KCNT2: variants seen among roughly 807,000 people sequenced by gnomAD.
KCNT2 encodes potassium channel subfamily T member 2.
In KCNT2, 67 loss-of-function variants were observed where a neutral mutation model predicts 153.8. The observed-to-expected ratio is 0.44, with a 90% CI of 0.36 to 0.53. KCNT2 has a LOEUF of 0.53. Ranked by LOEUF, KCNT2 falls within the 20% of genes least tolerant of loss-of-function variation. The pLI, the probability that KCNT2 is intolerant of heterozygous loss-of-function variation, is 0.00. For missense variants in KCNT2, 975 were observed against 1,354.8 expected (o/e 0.72, Z 4.40); for synonymous variants, 500 against 458.8 (o/e 1.09, Z -1.15).
intron 1 of KCNT2, among the ~76,000 whole-genome samples, chr1:196,517,006 T>C (rs1270171617): frequency 2.0e-5 from 3 of 152,266 alleles, no homozygotes; most frequent in Middle Eastern, 3.4e-3. Flanking sequence ...ATGGAGCCAG[T>C]AGCAGCTCTA....
chr1:196,344,306 G>C (rs1665951657), intron 14 of KCNT2, among the ~76,000 whole-genome samples: 2 of 152,070 alleles, frequency 1.3e-5, no homozygotes, highest in Non-Finnish European at 2.9e-5. Context: ...AATAAACCTA[G>C]TCGACTTACT....
At chr1:196,409,049 T>C (rs1434185375) in intron 12 of KCNT2, among the ~76,000 whole-genome samples, 1 of 150,950 alleles carries the variant, frequency 6.6e-6, no homozygotes, top group Non-Finnish European at 1.5e-5. Flanking sequence ...TTTTTTTATA[T>C]GAAGCACACA....
chr1:196,373,804 T>C (rs1668725038), intron 13 of KCNT2, among the ~76,000 whole-genome samples: 1 of 151,862 alleles, frequency 6.6e-6, no homozygotes, highest in Admixed American at 6.6e-5. Flanking sequence ...GCAATAGAAT[T>C]TGCTAAAATA....
In KCNT2 at chr1:196,340,429, G is replaced by A. The variant is rs1215783265; in HGVS notation, c.1695C>T (p.Asn565=). The A allele has an allele frequency of 1.2e-6, 2 of 1,612,556 alleles. No individual in the cohort carries two copies. The highest frequency in any genetic ancestry group is 3.3e-5 in the Admixed American group (2 of 59,868). ...ITKEENSAFK[N]QDQQRKSNVS... is the part of the protein sequence containing the mutation. ...CATTGCTTTTTCTCTGCTGGTCTTGGTTTTTAAATGCTGAATTCTCTTCTT... is the reference window on the plus strand; with the variant it reads ...CATTGCTTTTTCTCTGCTGGTCTTGATTTTTAAATGCTGAATTCTCTTCTT... The change falls in exon 16 of 28, where the codon AAC becomes AAT. Residue 565 remains asparagine (N), a synonymous_variant. Transcript: ENST00000294725.
chr1:196,469,661 T>G (rs1398011514), intron 5 of KCNT2, among the ~76,000 whole-genome samples: 1 of 152,122 alleles, frequency 6.6e-6, no homozygotes, highest in Non-Finnish European at 1.5e-5. Context: ...ACATTAACAA[T>G]TTCAAGAAGG....
At chr1:196,238,966 G>A (rs1332234496) in intron 26 of KCNT2, among the ~76,000 whole-genome samples, 4 of 151,916 alleles carry the variant, frequency 2.6e-5, no homozygotes, top group African/African-American at 7.2e-5. Context: ...CTCTATGGTT[G>A]TTTTCTAGAT....
chr1:196,595,743 A>G (rs1396203445), intron 1 of KCNT2, among the ~76,000 whole-genome samples: 1 of 151,826 alleles, frequency 6.6e-6, no homozygotes, highest in Non-Finnish European at 1.5e-5. Flanking sequence ...GGTTATGTGG[A>G]TAAGTGTTTT....
intron 1 of KCNT2, among the ~76,000 whole-genome samples, chr1:196,510,956 T>G (rs1017904300): frequency 1.3e-5 from 2 of 152,290 alleles, no homozygotes; most frequent in East Asian, 1.9e-4. Context: ...CTGGCAAATA[T>G]AGAGGAAATT....
At chr1:196,437,372 A>G (rs1013477540) in intron 8 of KCNT2, among the ~76,000 whole-genome samples, 1 of 139,098 alleles carries the variant, frequency 7.2e-6, no homozygotes, top group East Asian at 2.1e-4. Context: ...ATTTATATAT[A>G]TTTTTATTTA....
intron 18 of KCNT2, among the ~76,000 whole-genome samples, chr1:196,328,805 G>A (rs1664149557): frequency 6.6e-6 from 1 of 151,946 alleles, no homozygotes; most frequent in African/African-American, 2.4e-5. Context: ...ACAGGAAAAT[G>A]AATCCAGAAG....
chr1:196,377,210 C>G (rs1275906593), intron 13 of KCNT2, among the ~76,000 whole-genome samples: 1 of 151,780 alleles, frequency 6.6e-6, no homozygotes, highest in Non-Finnish European at 1.5e-5. Flanking sequence ...AAACATTATT[C>G]TAGAACATCA....
At chr1:196,401,311 T>C (rs1340707715) in intron 12 of KCNT2, among the ~76,000 whole-genome samples, 1 of 151,758 alleles carries the variant, frequency 6.6e-6, no homozygotes, top group African/African-American at 2.4e-5. Context: ...TATTATTCAA[T>C]TTATGAATTT....
At chr1:196,367,519 A>G (rs1668145641) in intron 14 of KCNT2, among the ~76,000 whole-genome samples, 1 of 152,226 alleles carries the variant, frequency 6.6e-6, no homozygotes, top group African/African-American at 2.4e-5. Context: ...ATATATGTGT[A>G]GATGTATATG....
intron 22 of KCNT2, among the ~76,000 whole-genome samples, chr1:196,294,745 G>A (rs1325641554): frequency 6.6e-6 from 1 of 151,768 alleles, no homozygotes; most frequent in Non-Finnish European, 1.5e-5. Flanking sequence ...CCAAGATATG[G>A]AAGCAACCTA....
chr1:196,496,412 G>A (rs1266832883), intron 1 of KCNT2, among the ~76,000 whole-genome samples: 1 of 150,576 alleles, frequency 6.6e-6, no homozygotes, highest in Middle Eastern at 3.2e-3. Flanking sequence ...AGGTTGCAGT[G>A]AGCCGAGATC....
chr1:196,352,333 C>G lies in KCNT2; in HGVS notation c.1404-10105G>C, dbSNP rs1452274773. On this transcript the variant is annotated intron_variant, in intron 14 of 27. Coordinates refer to ENST00000294725, the MANE Select transcript of KCNT2 (RefSeq NM_198503.5). The stretch of plus-strand genomic sequence containing the variant: ...GAATTCAGCTGTGAATCCATCTGGT[C>G]CTGGACTCTTTTTGGTTGGTAAGCT... 2.0e-5 allele frequency among the ~76,000 whole-genome samples: 3 copies of G among 151,864 alleles called. No homozygotes were observed. The East Asian group carries it at 5.8e-4, about 29-fold the overall frequency.
At chr1:196,437,904 TA>T (rs910777366) in intron 8 of KCNT2, among the ~76,000 whole-genome samples, 1 of 151,376 alleles carries the variant, frequency 6.6e-6, no homozygotes, top group African/African-American at 2.4e-5. Flanking sequence ...CCCAGTCTGG[TA>T]AAAAAAGAGC....
chr1:196,394,745 T>G (rs1053374057), intron 13 of KCNT2, among the ~76,000 whole-genome samples: 1 of 151,532 alleles, frequency 6.6e-6, no homozygotes, highest in Admixed American at 6.6e-5. Context: ...TGATGATACA[T>G]GGACAATGAC....
intron 14 of KCNT2, 160 bp from the exon 15 acceptor site, chr1:196,342,388 T>C (rs1206676027): frequency 5.6e-6 from 2 of 356,140 alleles, no homozygotes; most frequent in Non-Finnish European, 9.7e-6. Flanking sequence ...AAGATGACAT[T>C]ATATGCAAGA....
Sources: allele counts gnomAD v4.1 joint callset (sites outside exome capture counted in the v4.1 genomes callset), GRCh38; gene constraint gnomAD v4.1.1; transcripts MANE v1.5; gene names NCBI Gene and HGNC (gene_info 2026-07-23, HGNC 2026-07-21).